The following IGSF21 variants were observed in gnomAD, a reference collection of about 807,000 sequenced individuals.
IGSF21 encodes the protein immunoglobulin superfamily member 21.
IGSF21 carries 28 observed loss-of-function variants against 46.8 expected under a neutral mutation model. The ratio of observed to expected loss-of-function variants is 0.60; its 90% CI spans 0.44 to 0.82. The LOEUF (loss-of-function observed/expected upper bound fraction) is 0.82. IGSF21 is among the 40% of genes least tolerant of loss of function. IGSF21 has a pLI of 0.00. For synonymous variants in IGSF21, 284 were observed against 273.6 expected (o/e 1.04, Z -0.38); for missense variants, 624 against 665.5 (o/e 0.94, Z 0.69).
At chr1:18,304,308 G>A (rs1429322652) in intron 3 of IGSF21, among the ~76,000 whole-genome samples, 3 of 152,196 alleles carry the variant, frequency 2.0e-5, no homozygotes, top group African/African-American at 7.2e-5. Flanking sequence ...CAGCCAGCAA[G>A]TAGGTTGGTG....
At chr1:18,212,742 T>G (rs2084405377) in intron 1 of IGSF21, among the ~76,000 whole-genome samples, 1 of 152,176 alleles carries the variant, frequency 6.6e-6, no homozygotes, top group Admixed American at 6.5e-5. Context: ...AAGACAGCCA[T>G]GGGCTGTCAG....
At chr1:18,177,392 G>GAAGGACA (rs1553151722) in intron 1 of IGSF21, among the ~76,000 whole-genome samples, 2 of 125,016 alleles carry the variant, frequency 1.6e-5, no homozygotes, top group Admixed American at 8.1e-5. Flanking sequence ...GGGTCAGTGA[G>GAAGGACA]GTGTGTGTGT....
intron 1 of IGSF21, among the ~76,000 whole-genome samples, chr1:18,144,236 C>T (rs1449491575): frequency 6.6e-6 from 1 of 152,204 alleles, no homozygotes; most frequent in African/African-American, 2.4e-5. Context: ...TGGCCCACAG[C>T]CCCTTCCCAG....
intron 2 of IGSF21, among the ~76,000 whole-genome samples, chr1:18,277,860 C>T (rs957366570): frequency 2.1e-4 from 32 of 152,068 alleles, no homozygotes; most frequent in African/African-American, 6.8e-4. Context: ...GATCATCTCT[C>T]GGGTGAGGTT....
intron 1 of IGSF21, among the ~76,000 whole-genome samples, chr1:18,205,088 A>G (rs1366980144): frequency 6.6e-6 from 1 of 151,872 alleles, no homozygotes; most frequent in Non-Finnish European, 1.5e-5. Flanking sequence ...GAGTCCTGCT[A>G]AAAAGTTGAT....
chr1:18,362,030 G>T, intron 4 of IGSF21, 85 bp from the exon 5 acceptor site: 1 of 929,982 alleles, frequency 1.1e-6, no homozygotes, highest in South Asian at 1.6e-5. Flanking sequence ...ACCCAGCATG[G>T]ACGTGGCCCA....
intron 1 of IGSF21, among the ~76,000 whole-genome samples, chr1:18,145,710 G>T (rs1347293280): frequency 6.6e-6 from 1 of 152,210 alleles, no homozygotes; most frequent in Non-Finnish European, 1.5e-5. Context: ...CATCCCTCAT[G>T]TCGGCTTCTC....
At chr1:18,351,882 G>A (rs1449052452) in intron 4 of IGSF21, among the ~76,000 whole-genome samples, 4 of 152,344 alleles carry the variant, frequency 2.6e-5, no homozygotes, top group East Asian at 1.9e-4. Context: ...ACTACAGAGC[G>A]GAGGCAGTTG....
At chr1:18,139,366 G>A (rs1450100342) in intron 1 of IGSF21, among the ~76,000 whole-genome samples, 4 of 152,118 alleles carry the variant, frequency 2.6e-5, no homozygotes, top group South Asian at 2.1e-4. Flanking sequence ...TACGTCACAC[G>A]ATGATGGGGC....
intron 2 of IGSF21, among the ~76,000 whole-genome samples, chr1:18,280,301 G>A (rs765513288): frequency 2.6e-5 from 4 of 152,214 alleles, no homozygotes; most frequent in Middle Eastern, 3.4e-3. Context: ...TGAAAGAGGG[G>A]CTGGAAAAGT....
intron 5 of IGSF21, among the ~76,000 whole-genome samples, chr1:18,363,727 G>A (rs1004795702): frequency 1.3e-5 from 2 of 151,754 alleles, no homozygotes; most frequent in African/African-American, 4.8e-5. Flanking sequence ...GTGGGGTGAT[G>A]GGCAGGGGAG....
At chr1:18,237,397 T>A (rs1166526172) in intron 2 of IGSF21, among the ~76,000 whole-genome samples, 1 of 152,130 alleles carries the variant, frequency 6.6e-6, no homozygotes, top group African/African-American at 2.4e-5. Context: ...CATCATCAAG[T>A]TGTTAAGTTC....
chr1:18,190,061 C>T (rs2086940476), intron 1 of IGSF21, among the ~76,000 whole-genome samples: 1 of 152,198 alleles, frequency 6.6e-6, no homozygotes, highest in Non-Finnish European at 1.5e-5. Context: ...GGACAGAGAC[C>T]CTGCTCACAG....
chr1:18,141,033 G>A (rs913574001), intron 1 of IGSF21, among the ~76,000 whole-genome samples: 3 of 152,144 alleles, frequency 2.0e-5, no homozygotes, highest in Admixed American at 2.0e-4. Context: ...AGGAGAGCAC[G>A]ACCAGAGTGA....
intron 3 of IGSF21, among the ~76,000 whole-genome samples, chr1:18,316,328 A>G (rs556764850): frequency 1.3e-5 from 2 of 152,320 alleles, no homozygotes; most frequent in South Asian, 4.1e-4. Context: ...ATTATTGGAG[A>G]ATGGAAGTCT....
intron 4 of IGSF21, among the ~76,000 whole-genome samples, chr1:18,351,657 C>T (rs1401496102): frequency 6.6e-6 from 1 of 152,198 alleles, no homozygotes; most frequent in Non-Finnish European, 1.5e-5. Context: ...CTTCCGTGGG[C>T]TTCCAGAGGC....
At chr1:18,200,863 G>A (rs1486586586) in intron 1 of IGSF21, among the ~76,000 whole-genome samples, 1 of 152,144 alleles carries the variant, frequency 6.6e-6, no homozygotes, top group Non-Finnish European at 1.5e-5. Context: ...CGTGATTTAT[G>A]TCGTTGATTT....
At chr1:18,328,189 G>A (rs547448786) in intron 3 of IGSF21, among the ~76,000 whole-genome samples, 2 of 152,244 alleles carry the variant, frequency 1.3e-5, no homozygotes, top group Non-Finnish European at 2.9e-5. Flanking sequence ...TCCATCGTAA[G>A]TTCAAAATAT....
chr1:18,356,191 A>G (rs974932903), intron 4 of IGSF21, among the ~76,000 whole-genome samples: 9 of 152,138 alleles, frequency 5.9e-5, no homozygotes, highest in African/African-American at 2.2e-4. Flanking sequence ...CCCCAAGCAA[A>G]ATATGCCTGC....
Sources: gnomAD v4.1 joint callset for allele counts (sites outside exome capture counted in the v4.1 genomes callset) on GRCh38, gnomAD v4.1.1 for gene constraint, MANE v1.5 for transcripts, NCBI Gene and HGNC (gene_info 2026-07-23, HGNC 2026-07-21) for gene names.